The following DNAH12 variants were observed in gnomAD, a reference collection of about 807,000 sequenced individuals.
DNAH12 encodes axonemal beta dynein heavy chain 12.
DNAH12 carries 285 observed loss-of-function variants against 371.5 expected under a neutral mutation model. The observed-to-expected ratio is 0.77, with a 90% CI of 0.70 to 0.85. The LOEUF is 0.85. DNAH12 is among the 40% of genes least tolerant of loss of function. DNAH12 has a pLI of 0.00. For synonymous variants in DNAH12, 1,200 were observed against 1,213.0 expected (o/e 0.99, Z 0.22); for missense variants, 3,611 against 3,689.4 (o/e 0.98, Z 0.55).
the DNAH12 span, among the ~76,000 whole-genome samples, chr3:57,551,708 G>T: frequency 6.6e-6 from 1 of 151,860 alleles, no homozygotes; most frequent in Non-Finnish European, 1.5e-5. Flanking sequence ...GCAGACAACA[G>T]CCACTTAATA....
intron 40 of DNAH12, among the ~76,000 whole-genome samples, chr3:57,407,139 C>T (rs1382853530): frequency 4.6e-5 from 7 of 152,014 alleles, no homozygotes; most frequent in East Asian, 3.9e-4. Flanking sequence ...CCTTGTGATC[C>T]GCCCACCTTG....
At chr3:57,392,809 A>G (rs2063652944) in intron 44 of DNAH12, among the ~76,000 whole-genome samples, 1 of 152,236 alleles carries the variant, frequency 6.6e-6, no homozygotes, top group Non-Finnish European at 1.5e-5. Context: ...GAAAAGATAG[A>G]TAATAGCTAA....
intron 11 of DNAH12, chr3:57,498,676 C>G (rs2067399479): frequency 1.5e-6 from 1 of 677,198 alleles, no homozygotes; most frequent in Non-Finnish European, 2.7e-6. Flanking sequence ...AACTATATAC[C>G]TATACAGTGA....
chr3:57,332,139 A>C (rs1036232825), intron 62 of DNAH12, among the ~76,000 whole-genome samples: 1 of 152,198 alleles, frequency 6.6e-6, no homozygotes, highest in African/African-American at 2.4e-5. Flanking sequence ...ATTTGTCATG[A>C]ATAATTTTTT....
chr3:57,460,090 G>A (rs1287034320), intron 19 of DNAH12, among the ~76,000 whole-genome samples: 2 of 151,590 alleles, frequency 1.3e-5, no homozygotes, highest in African/African-American at 4.8e-5. Flanking sequence ...TACCAGCAGT[G>A]GTTATCAACC....
At chr3:57,446,485 C>A in intron 26 of DNAH12, 52 bp downstream of exon 26, 7 of 1,489,158 alleles carry the variant, frequency 4.7e-6, no homozygotes, top group Non-Finnish European at 6.3e-6. Flanking sequence ...TCCAATTAGA[C>A]CTAGCTGTAA....
chr3:57,407,824 A>C (rs1198567316), intron 40 of DNAH12, among the ~76,000 whole-genome samples: 2 of 152,116 alleles, frequency 1.3e-5, no homozygotes, highest in African/African-American at 4.8e-5. Context: ...GCTACTTATA[A>C]ATTATGTGGT....
At chr3:57,499,647 A>AAATATATATATATATAT (rs1451248906) in intron 11 of DNAH12, among the ~76,000 whole-genome samples, 17 of 17,954 alleles carry the variant, frequency 9.5e-4, no homozygotes, top group Non-Finnish European at 1.7e-3. Context: ...AAAAAAAAAA[A>AAATATATATATATATAT]ATATATATAT....
intron 15 of DNAH12, 97 bp from the exon 16 acceptor site, chr3:57,470,733 A>G: frequency 9.3e-7 from 1 of 1,075,808 alleles, no homozygotes; most frequent in East Asian, 2.8e-5. Context: ...TTGTATTTAT[A>G]CAACAAGTTT....
chr3:57,448,602 T>G (rs890588861), intron 25 of DNAH12, among the ~76,000 whole-genome samples: 2 of 152,238 alleles, frequency 1.3e-5, no homozygotes, highest in African/African-American at 2.4e-5. Context: ...CAGCGTGGAA[T>G]AGAACCCGAC....
chr3:57,407,152 C>T (rs959353604), intron 40 of DNAH12, among the ~76,000 whole-genome samples: 1 of 152,076 alleles, frequency 6.6e-6, no homozygotes, highest in Non-Finnish European at 1.5e-5. Context: ...CCACCTTGGC[C>T]TCCCAAAGTG....
chr3:57,294,092 T>C (rs773449127), intron 73 of DNAH12, 121 bp from the exon 74 acceptor site: 10 of 831,734 alleles, frequency 1.2e-5, no homozygotes, highest in South Asian at 8.5e-5. Context: ...AATTGTGATA[T>C]ATGAAGGTTT....
intron 4 of DNAH12, among the ~76,000 whole-genome samples, chr3:57,518,757 C>A (rs1156404504): frequency 6.6e-6 from 1 of 152,078 alleles, no homozygotes. Flanking sequence ...ATGGTGATAA[C>A]AACTAGAATA....
At chr3:57,420,758 A>G (rs1293454725) in intron 36 of DNAH12, among the ~76,000 whole-genome samples, 1 of 151,852 alleles carries the variant, frequency 6.6e-6, no homozygotes, top group Non-Finnish European at 1.5e-5. Flanking sequence ...AAATGCAAAA[A>G]ATCAGCCAGG....
intron 32 of DNAH12, among the ~76,000 whole-genome samples, chr3:57,432,784 C>A (rs557085085): frequency 2.6e-5 from 4 of 152,110 alleles, no homozygotes; most frequent in Admixed American, 2.6e-4. Context: ...CATGAGTGAA[C>A]CTTGTAGGGT....
rs566940136 is a variant in DNAH12 at position 57,543,469 on chromosome 3, C to T, written c.-33-566G>A. Among the ~76,000 whole-genome samples, 185 of 151,024 alleles carry T rather than the reference C, an allele frequency of 1.2e-3. 1 individual carries two copies. Among genetic ancestry groups the T allele is most frequent in the Non-Finnish European group, 1.8e-3 (120 of 67,784 alleles). On this transcript the variant is annotated intron_variant, in intron 1 of 73. Coordinates refer to ENST00000495027, the MANE Select transcript of DNAH12 (RefSeq NM_001366028.2). ...TCCCGAGTAGCTAGGACTACAGGTG[C>T]GCAACCACGCCCAGCTACTTTTTTG...
Position 57,507,847 on chromosome 3 carries a change from G to C in DNAH12, c.702-9C>G. 6.4e-7 allele frequency: 1 copy of C among 1,555,000 alleles called. No individual in the cohort carries two copies. The highest frequency in any genetic ancestry group is 8.6e-7 in the Non-Finnish European group (1 of 1,162,088). On this transcript the variant is annotated splice_polypyrimidine_tract_variant and intron_variant, in intron 7 of 73. Transcript: ENST00000495027. ...CAATTGGACCTTTAGCTCTATTTAT[G>C]AGAAAAAGAAATGTGATTTGAAGCA...
At chr3:57,339,584 G>A (rs782123829) in intron 60 of DNAH12, among the ~76,000 whole-genome samples, 1 of 151,912 alleles carries the variant, frequency 6.6e-6, no homozygotes, top group Non-Finnish European at 1.5e-5. Context: ...AGCTAGAAAA[G>A]AGGATTTTGA....
chr3:57,309,112 A>G, intron 69 of DNAH12, 39 bp downstream of exon 69: 2 of 1,408,772 alleles, frequency 1.4e-6, no homozygotes, highest in Non-Finnish European at 1.9e-6. Context: ...ATATAAGAAG[A>G]CAGTTGCCTT....
Sources: allele counts gnomAD v4.1 joint callset (sites outside exome capture counted in the v4.1 genomes callset), GRCh38; gene constraint gnomAD v4.1.1; transcripts MANE v1.5; gene names NCBI Gene and HGNC (gene_info 2026-07-23, HGNC 2026-07-21).